The following PREX2 variants were observed in gnomAD, a reference collection of about 807,000 sequenced individuals.
The protein encoded by PREX2 is phosphatidylinositol-3,4,5-trisphosphate dependent Rac exchange factor 2.
A neutral mutation model predicts 203.2 loss-of-function variants in PREX2; 107 were observed. That is an observed-to-expected ratio of 0.53 (90% CI 0.45 to 0.62). PREX2 has a LOEUF of 0.62. Among genes scored for constraint, PREX2 ranks in the 20% least tolerant of loss-of-function variants. The pLI, the probability that PREX2 is intolerant of heterozygous loss-of-function variation, is 0.00. For synonymous variants in PREX2, 672 were observed against 663.6 expected (o/e 1.01, Z -0.19); for missense variants, 1,777 against 1,955.9 (o/e 0.91, Z 1.72).
intron 37 of PREX2, among the ~76,000 whole-genome samples, chr8:68,204,882 C>T (rs895206618): frequency 2.0e-5 from 3 of 151,526 alleles, no homozygotes; most frequent in African/African-American, 4.8e-5. Context: ...GGGGTTTCAC[C>T]GTGTTAGCCA....
intron 35 of PREX2, among the ~76,000 whole-genome samples, chr8:68,175,831 A>G (rs1183955880): frequency 1.3e-5 from 2 of 151,992 alleles, no homozygotes. Flanking sequence ...TATATATGGT[A>G]ACATATAATT....
chr8:67,963,614 C>T (rs763736802), intron 1 of PREX2, among the ~76,000 whole-genome samples: 1 of 152,040 alleles, frequency 6.6e-6, no homozygotes, highest in Non-Finnish European at 1.5e-5. Context: ...GCTAAAACTG[C>T]ACTTTTTTGT....
At chr8:67,978,777 CTAGAG>C (rs1445662880) in intron 1 of PREX2, among the ~76,000 whole-genome samples, 2 of 151,976 alleles carry the variant, frequency 1.3e-5, no homozygotes, top group African/African-American at 4.8e-5. Context: ...ATAAGCCACT[CTAGAG>C]TATAATGGCT....
At chr8:68,038,028 C>T (rs1046542325) in intron 6 of PREX2, 131 bp from the exon 7 acceptor site, 6 of 918,070 alleles carry the variant, frequency 6.5e-6, no homozygotes, top group Admixed American at 2.4e-5. Context: ...ACTATCTCTA[C>T]TGCTTGCACT....
chr8:68,035,013 A>AG (rs1310087052), intron 6 of PREX2, among the ~76,000 whole-genome samples: 4 of 149,348 alleles, frequency 2.7e-5, no homozygotes, highest in Admixed American at 2.6e-4. Context: ...ATGAAGTGGA[A>AG]GGGGGGAAGG....
At chr8:68,064,133 A>G (rs4557689) in intron 11 of PREX2, among the ~76,000 whole-genome samples, 105,490 of 151,920 alleles carry the variant, frequency 0.69, 36,698 homozygotes, top group East Asian at 0.74. Flanking sequence ...CTGACAATAT[A>G]CATGTTGTCT....
At chr8:67,988,861 C>T (rs1014578544) in intron 1 of PREX2, among the ~76,000 whole-genome samples, 2 of 152,234 alleles carry the variant, frequency 1.3e-5, no homozygotes, top group African/African-American at 4.8e-5. Context: ...CTCCAGCCAA[C>T]TATCGCCAAG....
At chr8:67,971,750 ATAGT>A (rs1271478860) in intron 1 of PREX2, among the ~76,000 whole-genome samples, 1 of 152,216 alleles carries the variant, frequency 6.6e-6, no homozygotes, top group African/African-American at 2.4e-5. Flanking sequence ...TGGAAAAGAT[ATAGT>A]TAAAGTTTTG....
chr8:67,975,870 ATT>A (rs35288660), intron 1 of PREX2, among the ~76,000 whole-genome samples: 127 of 133,126 alleles, frequency 9.5e-4, no homozygotes, highest in Admixed American at 1.3e-3. Context: ...TGCCCGGCTA[ATT>A]TTTTTTTTTT....
chr8:67,956,329 G>C (rs1805492339), intron 1 of PREX2, among the ~76,000 whole-genome samples: 1 of 152,204 alleles, frequency 6.6e-6, no homozygotes, highest in South Asian at 2.1e-4. Flanking sequence ...GGAAGACCCA[G>C]GGCTGGCTTC....
chr8:68,030,100 T>C (rs186519119), intron 5 of PREX2, among the ~76,000 whole-genome samples: 3 of 152,264 alleles, frequency 2.0e-5, no homozygotes, highest in African/African-American at 7.2e-5. Flanking sequence ...ATTTTTGAAA[T>C]TATGACATAC....
chr8:68,188,002 T>G (rs1036372226), intron 35 of PREX2, among the ~76,000 whole-genome samples: 14 of 152,168 alleles, frequency 9.2e-5, no homozygotes, highest in Non-Finnish European at 2.9e-5. Context: ...AACCAGGTAG[T>G]AGAGGACTCC....
At chr8:68,014,004 A>T (rs1807341453) in intron 1 of PREX2, among the ~76,000 whole-genome samples, 1 of 152,160 alleles carries the variant, frequency 6.6e-6, no homozygotes, top group Non-Finnish European at 1.5e-5. Context: ...TGATGAAAAG[A>T]GTGGGAAGGG....
chr8:68,113,029 G>T (rs1810566001), intron 25 of PREX2, among the ~76,000 whole-genome samples: 1 of 152,172 alleles, frequency 6.6e-6, no homozygotes, highest in Admixed American at 6.5e-5. Context: ...GCTGCTGAAG[G>T]TTTTAATTAA....
At chr8:68,062,086 A>T (rs1808873516) in intron 11 of PREX2, among the ~76,000 whole-genome samples, 1 of 152,136 alleles carries the variant, frequency 6.6e-6, no homozygotes. Context: ...TGCCTACGTG[A>T]TGGTACCACC....
intron 1 of PREX2, among the ~76,000 whole-genome samples, chr8:67,995,229 G>A (rs966164160): frequency 3.3e-5 from 5 of 151,980 alleles, no homozygotes; most frequent in African/African-American, 1.2e-4. Flanking sequence ...TACATTTTTT[G>A]TGATAATAGC....
intron 12 of PREX2, among the ~76,000 whole-genome samples, 171 bp downstream of exon 12, chr8:68,069,307 C>T (rs986478018): frequency 1.3e-5 from 2 of 151,792 alleles, no homozygotes; most frequent in Non-Finnish European, 2.9e-5. Flanking sequence ...TTCTAACGTT[C>T]AATTGTTTTC....
chr8:67,969,639 T>C (rs961201322), intron 1 of PREX2, among the ~76,000 whole-genome samples: 3 of 152,196 alleles, frequency 2.0e-5, no homozygotes, highest in African/African-American at 7.2e-5. Flanking sequence ...GGAAGGTTTA[T>C]TAATGTTTTA....
At chr8:68,145,622 C>T (rs1369674789) in intron 33 of PREX2, among the ~76,000 whole-genome samples, 1 of 151,986 alleles carries the variant, frequency 6.6e-6, no homozygotes, top group Non-Finnish European at 1.5e-5. Context: ...AATACTCCGA[C>T]TGAAATTTAG....
Sources: allele counts gnomAD v4.1 joint callset (sites outside exome capture counted in the v4.1 genomes callset), GRCh38; gene constraint gnomAD v4.1.1; transcripts MANE v1.5; gene names NCBI Gene and HGNC (gene_info 2026-07-23, HGNC 2026-07-21).